The following KCNIP1 variants were observed in gnomAD, a reference collection of about 807,000 sequenced individuals.
The protein encoded by KCNIP1 is A-type potassium channel modulatory protein KCNIP1.
Under a neutral mutation model 33.0 loss-of-function variants are expected in KCNIP1, and 18 were observed. The ratio of observed to expected loss-of-function variants is 0.55; its 90% CI spans 0.38 to 0.81. The LOEUF (loss-of-function observed/expected upper bound fraction) is 0.81. Among genes scored for constraint, KCNIP1 ranks in the 30% least tolerant of loss-of-function variants. The pLI is 0.00. For synonymous variants in KCNIP1, 93 were observed against 98.3 expected (o/e 0.95, Z 0.32); for missense variants, 238 against 271.6 (o/e 0.88, Z 0.87).
intron 1 of KCNIP1, among the ~76,000 whole-genome samples, chr5:170,495,847 A>G (rs573783230): frequency 1.5e-4 from 23 of 152,330 alleles, no homozygotes; most frequent in African/African-American, 5.5e-4. Context: ...TCCCAGAGTC[A>G]GTCCTCAGCA....
intron 1 of KCNIP1, among the ~76,000 whole-genome samples, chr5:170,681,599 G>A (rs1013369518): frequency 2.6e-5 from 4 of 152,202 alleles, no homozygotes. Context: ...GAGATTATAT[G>A]GAGGTAAAAA....
At chr5:170,446,218 G>C (rs751562366) in intron 1 of KCNIP1, among the ~76,000 whole-genome samples, 2 of 152,190 alleles carry the variant, frequency 1.3e-5, no homozygotes. Flanking sequence ...TGTGTGGTGA[G>C]ACTTGGAAAA....
At chr5:170,556,753 A>G (rs766755624) in intron 1 of KCNIP1, among the ~76,000 whole-genome samples, 49 of 152,250 alleles carry the variant, frequency 3.2e-4, no homozygotes, top group Non-Finnish European at 6.6e-4. Context: ...TGTTTGTTCC[A>G]GAACCTTAGC....
intron 1 of KCNIP1, among the ~76,000 whole-genome samples, chr5:170,361,979 C>A (rs892575055): frequency 2.0e-5 from 3 of 152,192 alleles, no homozygotes; most frequent in African/African-American, 7.2e-5. Context: ...GCTTCAGTCT[C>A]TTCATCTCTA....
At chr5:170,648,631 G>A (rs1280521636) in intron 1 of KCNIP1, among the ~76,000 whole-genome samples, 1 of 152,204 alleles carries the variant, frequency 6.6e-6, no homozygotes, top group African/African-American at 2.4e-5. Flanking sequence ...ATTAGGTGGA[G>A]CACAAAGGAT....
chr5:170,561,913 G>A lies in KCNIP1; in HGVS notation c.61+57280G>A, dbSNP rs117247466. 4.1e-3 allele frequency among the ~76,000 whole-genome samples: 629 copies of A among 152,166 alleles called. 4 individuals carry two copies. The highest frequency in any genetic ancestry group is 0.023 in the East Asian group (119 of 5,166). On this transcript the variant is annotated intron_variant, in intron 1 of 7. Transcript: ENST00000328939. ...AATCAAAAATACAGAAATCAAAAAC[G>A]CATTTAGTACCCCCAGTTAATCCAT...
chr5:170,691,041 G>A (rs1203247990), intron 1 of KCNIP1, among the ~76,000 whole-genome samples: 1 of 152,212 alleles, frequency 6.6e-6, no homozygotes, highest in Non-Finnish European at 1.5e-5. Flanking sequence ...GATGTAGGAA[G>A]ACAAATGATA....
intron 1 of KCNIP1, among the ~76,000 whole-genome samples, chr5:170,524,440 G>A (rs1429310290): frequency 1.3e-5 from 2 of 152,164 alleles, no homozygotes; most frequent in Admixed American, 1.3e-4. Flanking sequence ...TCTGTCACTT[G>A]CTAGCTGTGT....
chr5:170,410,834 G>A (rs1755167184), intron 1 of KCNIP1, among the ~76,000 whole-genome samples: 2 of 152,172 alleles, frequency 1.3e-5, no homozygotes, highest in African/African-American at 2.4e-5. Context: ...GCTCAGTGTA[G>A]GTGCACAAAG....
intron 1 of KCNIP1, among the ~76,000 whole-genome samples, chr5:170,372,518 T>C (rs533322198): frequency 6.6e-6 from 1 of 152,288 alleles, no homozygotes; most frequent in Admixed American, 6.5e-5. Context: ...CATGGCTTGG[T>C]CCTTCTGGCA....
At chr5:170,640,487 C>A (rs928586809) in intron 1 of KCNIP1, among the ~76,000 whole-genome samples, 2 of 152,086 alleles carry the variant, frequency 1.3e-5, no homozygotes, top group African/African-American at 4.8e-5. Flanking sequence ...TGATGGTGGT[C>A]CCAAATTACA....
chr5:170,597,800 T>G (rs1235426566), intron 1 of KCNIP1, among the ~76,000 whole-genome samples: 10 of 2,134 alleles, frequency 4.7e-3, no homozygotes, highest in Admixed American at 8.6e-3. Context: ...TATATATATA[T>G]ATATATATAT....
At chr5:170,354,015 G>T (rs1358058175) in intron 1 of KCNIP1, 19 of 1,521,436 alleles carry the variant, frequency 1.2e-5, no homozygotes, top group Non-Finnish European at 1.7e-5. Flanking sequence ...TGGCCTGGCT[G>T]GTCGCATTGC....
chr5:170,540,751 T>C (rs1756171484), intron 1 of KCNIP1, among the ~76,000 whole-genome samples: 2 of 152,108 alleles, frequency 1.3e-5, no homozygotes, highest in Admixed American at 6.5e-5. Flanking sequence ...CAAACCAACT[T>C]GCCTTCAACT....
At position 170,720,401 on chromosome 5, in the gene KCNIP1, C is replaced by T. The variant is rs552469443; in HGVS notation, c.256+11C>T. 6 of 1,605,664 alleles carry T rather than the reference C, an allele frequency of 3.7e-6. No individual in the cohort carries two copies. Among genetic ancestry groups the T allele is most frequent in the African/African-American group, 2.7e-5 (2 of 74,904 alleles). ...TTTTCCCTCATGGAGGTGAGTCTGA[C>T]CTTGAAATCTATCTTGCCCAGCTCC... On this transcript the variant is annotated intron_variant, in intron 3 of 7. Transcript: ENST00000328939.
At chr5:170,424,098 C>A (rs111808077) in intron 1 of KCNIP1, among the ~76,000 whole-genome samples, 1 of 152,194 alleles carries the variant, frequency 6.6e-6, no homozygotes, top group African/African-American at 2.4e-5. Context: ...GCCGTCAAAG[C>A]AGCACTGGCT....
intron 1 of KCNIP1, among the ~76,000 whole-genome samples, chr5:170,387,338 T>G (rs1764517127): frequency 6.6e-6 from 1 of 152,130 alleles, no homozygotes; most frequent in Non-Finnish European, 1.5e-5. Flanking sequence ...TTCTGCAAAG[T>G]GCTCTATTTT....
chr5:170,681,573 T>C (rs1373845452), intron 1 of KCNIP1: 1 of 155,524 alleles, frequency 6.4e-6, no homozygotes, highest in Non-Finnish European at 1.4e-5. Flanking sequence ...TGATTAACTT[T>C]TTTAAAGAAG....
intron 1 of KCNIP1, among the ~76,000 whole-genome samples, chr5:170,381,828 G>C (rs189169423): frequency 6.6e-6 from 1 of 152,216 alleles, no homozygotes; most frequent in South Asian, 2.1e-4. Flanking sequence ...CTTGCATTGG[G>C]ATAAATCAAG....
Sources: allele counts gnomAD v4.1 joint callset (sites outside exome capture counted in the v4.1 genomes callset), GRCh38; gene constraint gnomAD v4.1.1; transcripts MANE v1.5; gene names NCBI Gene and HGNC (gene_info 2026-07-23, HGNC 2026-07-21).